IGF1R: variants seen among roughly 807,000 people sequenced by gnomAD.
IGF1R encodes insulin like growth factor 1 receptor.
Under a neutral mutation model 144.6 loss-of-function variants are expected in IGF1R, and 44 were observed. The observed-to-expected ratio is 0.30, with a 90% confidence interval of 0.24 to 0.39. The LOEUF (loss-of-function observed/expected upper bound fraction) is 0.39. Among genes scored for constraint, IGF1R ranks in the 10% least tolerant of loss-of-function variants. The pLI is 1.00. For missense variants in IGF1R, 1,355 were observed against 1,833.7 expected (o/e 0.74, Z 4.77); for synonymous variants, 795 against 722.8 (o/e 1.10, Z -1.60).
intron 2 of IGF1R, among the ~76,000 whole-genome samples, chr15:98,886,358 C>T (rs906292452): frequency 1.1e-4 from 17 of 152,164 alleles, no homozygotes; most frequent in Admixed American, 8.5e-4. Flanking sequence ...TGATTGCAAA[C>T]CTGAACCAAT....
At position 98,659,645 on chromosome 15, in the gene IGF1R, G is replaced by A. The variant is rs527255246; in HGVS notation, c.94+9970G>A. On this transcript the variant is annotated intron_variant, in intron 1 of 20. Transcript: ENST00000650285. ...GTCTTCCTAAGTGATGCAGACAGGC[G>A]CACTGCAACTCCATGGCAGAGCTGT... Among the ~76,000 whole-genome samples the A allele has an allele frequency of 2.2e-4, 34 of 152,260 alleles. 1 individual carries two copies. Among genetic ancestry groups the A allele is most frequent in the African/African-American group, 7.0e-4 (29 of 41,542 alleles).
chr15:98,787,060 G>T (rs993787255), intron 2 of IGF1R, among the ~76,000 whole-genome samples: 18 of 152,178 alleles, frequency 1.2e-4, no homozygotes, highest in Non-Finnish European at 2.4e-4. Context: ...GGTTCCATCA[G>T]CGCCCCTTCG....
chr15:98,905,433 A>C (rs1283501434), intron 5 of IGF1R, among the ~76,000 whole-genome samples: 2 of 151,988 alleles, frequency 1.3e-5, no homozygotes, highest in Non-Finnish European at 2.9e-5. Flanking sequence ...ATGGCAAGGC[A>C]TTGCTTGAGC....
chr15:98,730,435 A>G (rs1405360504), intron 2 of IGF1R, among the ~76,000 whole-genome samples: 1 of 152,214 alleles, frequency 6.6e-6, no homozygotes, highest in Non-Finnish European at 1.5e-5. Context: ...TTTGAGAACT[A>G]CCAATGGGTA....
chr15:98,852,369 C>T (rs1567161759), intron 2 of IGF1R, among the ~76,000 whole-genome samples: 1 of 152,168 alleles, frequency 6.6e-6, no homozygotes, highest in East Asian at 1.9e-4. Flanking sequence ...CCGCCGTGGA[C>T]CAAGGTTGTT....
intron 2 of IGF1R, among the ~76,000 whole-genome samples, chr15:98,807,510 G>A (rs903739287): frequency 5.3e-5 from 8 of 152,170 alleles, no homozygotes; most frequent in South Asian, 2.1e-4. Context: ...ATAGTTTTAG[G>A]TTTGAATGCA....
chr15:98,650,025 C>T (rs1410805607), intron 1 of IGF1R, among the ~76,000 whole-genome samples: 2 of 152,174 alleles, frequency 1.3e-5, no homozygotes, highest in East Asian at 3.9e-4. Flanking sequence ...CCGCGACCCG[C>T]ACCTCGCCCC....
chr15:98,779,380 C>G (rs1239976076), intron 2 of IGF1R, among the ~76,000 whole-genome samples: 1 of 152,116 alleles, frequency 6.6e-6, no homozygotes, highest in Non-Finnish European at 1.5e-5. Context: ...TTAATTTTTT[C>G]AAGAAATATT....
At chr15:98,800,924 G>T (rs2056348769) in intron 2 of IGF1R, among the ~76,000 whole-genome samples, 1 of 152,196 alleles carries the variant, frequency 6.6e-6, no homozygotes, top group Admixed American at 6.5e-5. Context: ...AAAGGATATT[G>T]TTCATTTTTG....
At chr15:98,862,908 C>T (rs2141587295) in intron 2 of IGF1R, among the ~76,000 whole-genome samples, 1 of 152,292 alleles carries the variant, frequency 6.6e-6, no homozygotes, top group Non-Finnish European at 1.5e-5. Context: ...TAACATCTTA[C>T]ATAACCGTAA....
rs2056645585 is a variant in IGF1R, at chr15:98,813,994, A to G, written c.641-77331A>G. Reference sequence around the variant, plus strand: ...TCCGGAATAGGTTCTGGCCTACCTCAGTTCATGTTTTTTACTTTCAATGCT... The same window carrying G: ...TCCGGAATAGGTTCTGGCCTACCTCGGTTCATGTTTTTTACTTTCAATGCT... On this transcript the variant is annotated intron_variant, in intron 2 of 20. Coordinates refer to ENST00000650285, the MANE Select transcript of IGF1R (RefSeq NM_000875.5). 2.0e-5 allele frequency among the ~76,000 whole-genome samples: 3 copies of G among 152,224 alleles called. No individual in the cohort carries two copies. In the South Asian group the frequency reaches 6.2e-4, roughly 31 times the overall value.
At chr15:98,737,655 G>A (rs756024705) in intron 2 of IGF1R, among the ~76,000 whole-genome samples, 3 of 152,006 alleles carry the variant, frequency 2.0e-5, no homozygotes, top group Non-Finnish European at 2.9e-5. Flanking sequence ...TCTTTGCCCC[G>A]TCCCCACAAT....
intron 1 of IGF1R, among the ~76,000 whole-genome samples, chr15:98,652,089 C>T (rs1383710198): frequency 6.6e-6 from 1 of 152,188 alleles, no homozygotes; most frequent in African/African-American, 2.4e-5. Context: ...AGAGTTTCCT[C>T]TTTGAGTGTG....
At chr15:98,946,093 G>A (rs1159611509) in intron 19 of IGF1R, among the ~76,000 whole-genome samples, 8 of 151,618 alleles carry the variant, frequency 5.3e-5, no homozygotes, top group Admixed American at 5.3e-4. Context: ...AGAAGAGGAG[G>A]CAATTCTGAC....
rs45500098 is a variant in IGF1R at position 98,891,002 on chromosome 15, C to A, written c.641-323C>A. Among the ~76,000 whole-genome samples the A allele has an allele frequency of 0.011, 1,678 of 152,278 alleles. 21 individuals are homozygous for A. Among genetic ancestry groups the A allele is most frequent in the Middle Eastern group, 0.051 (15 of 294 alleles). On this transcript the variant is annotated intron_variant, in intron 2 of 20. Transcript: ENST00000650285. The surrounding 1 kb of genome is among the most constrained non-coding windows in gnomAD (Gnocchi z 4.7). ...TGGCTGACCCACGCCTGAGGCAACC[C>A]TCAAATGTGGGTATTATCCCCCTCA...
chr15:98,700,813 T>C (rs528478793), intron 1 of IGF1R, among the ~76,000 whole-genome samples: 109 of 152,234 alleles, frequency 7.2e-4, no homozygotes, highest in African/African-American at 2.6e-3. Flanking sequence ...CCTGCTCATC[T>C]TTCAGGGTCG....
intron 17 of IGF1R, among the ~76,000 whole-genome samples, chr15:98,937,240 G>C (rs775222729): frequency 6.6e-6 from 1 of 152,154 alleles, no homozygotes; most frequent in African/African-American, 2.4e-5. Context: ...TGATGAAATA[G>C]GTGACTGGAG....
intron 2 of IGF1R, among the ~76,000 whole-genome samples, chr15:98,780,918 C>A (rs780536725): frequency 1.2e-4 from 18 of 152,114 alleles, no homozygotes; most frequent in South Asian, 6.2e-4. Flanking sequence ...AGAAGATTTA[C>A]CAGCCTGGGC....
At chr15:98,924,411 T>C in intron 12 of IGF1R, 114 bp from the exon 13 acceptor site, 1 of 932,978 alleles carries the variant, frequency 1.1e-6, no homozygotes, top group South Asian at 1.3e-5. Flanking sequence ...GGATCATTGT[T>C]AGGTGGGAGG....
Sources: gnomAD v4.1 joint callset for allele counts (sites outside exome capture counted in the v4.1 genomes callset) on GRCh38, gnomAD v4.1.1 for gene constraint, Gnocchi (gnomAD v3.1) non-coding constraint, MANE v1.5 for transcripts, NCBI Gene and HGNC (gene_info 2026-07-23, HGNC 2026-07-21) for gene names.